The following CORO6 variants were observed in gnomAD, a reference collection of about 807,000 sequenced individuals.
CORO6 encodes the protein coronin 6.
In CORO6, 43 loss-of-function variants were observed where a neutral mutation model predicts 49.0. The ratio of observed to expected loss-of-function variants is 0.88; its 90% CI spans 0.69 to 1.13. The LOEUF is 1.13. Ranked by LOEUF, CORO6 falls within the 50% of genes most tolerant of loss-of-function variation. The probability of loss-of-function intolerance (pLI) is 0.00; values close to 1 mark genes in which losing one functional copy is unlikely to be tolerated. For synonymous variants in CORO6, 233 were observed against 256.5 expected, an observed-to-expected ratio of 0.91 and a Z score of 0.88; for missense variants, 650 against 647.0, an observed-to-expected ratio of 1.00 and a Z score of -0.05.
intron 5 of CORO6, chr17:29,617,931 C>A: frequency 1.1e-6 from 1 of 921,190 alleles, no homozygotes; most frequent in Non-Finnish European, 1.5e-6. Context: ...AGGCTTTTCC[C>A]GAATGGGAGC....
chr17:29,619,903 AC>A (rs1567810267), intron 2 of CORO6, 130 bp from the exon 3 acceptor site: 3 of 755,158 alleles, frequency 4.0e-6, no homozygotes, highest in African/African-American at 3.5e-5. Context: ...TGCACTTCTA[AC>A]CCCATCCAGT....
Position 29,615,680 on chromosome 17 carries a change from G to A in CORO6, c.*52C>T. On this transcript the variant is annotated 3_prime_UTR_variant, in exon 11 of 11. Transcript: ENST00000388767. ...CCGGAGTTCGGGACTAAAAGCCGGGGCGGGGCCGAGCTTGTGCGCCCCGCC... is the reference window on the plus strand; with the variant it reads ...CCGGAGTTCGGGACTAAAAGCCGGGACGGGGCCGAGCTTGTGCGCCCCGCC... 1 of 1,441,988 alleles carries A rather than the reference G, an allele frequency of 6.9e-7. No individual in the cohort carries two copies. The highest frequency in any genetic ancestry group is 1.5e-5 in the South Asian group (1 of 68,926). 89.3% of individuals were successfully genotyped at this position (1,441,988 alleles called of 1,614,324 possible). A position where few individuals can be genotyped will look rare whatever the true frequency, so the allele number is the denominator to read the frequency against.
chr17:29,616,275 T>G lies in CORO6; in HGVS notation c.1062+4A>C, dbSNP rs1369296506. On this transcript the variant is annotated splice_donor_region_variant and intron_variant, in intron 9 of 10. Coordinates refer to ENST00000388767, the MANE Select transcript of CORO6 (RefSeq NM_032854.4). This position sits in a 1 kb window ranked among gnomAD's most constrained non-coding sequence, Gnocchi z 5.6. ...CCTGCCCAACCCTTCTCCCGGCCCC[T>G]CACCTTGCGGGGCACAGTCATGATG... The G allele has an allele frequency of 3.1e-6, 5 of 1,611,390 alleles. No individual in the cohort carries two copies. Among genetic ancestry groups the G allele is most frequent in the Non-Finnish European group, 4.2e-6 (5 of 1,178,756 alleles).
Position 29,621,409 on chromosome 17 carries a change from C to G in CORO6, c.13G>C (p.Val5Leu). The G allele has an allele frequency of 1.2e-6, 2 of 1,610,208 alleles. No individual in the cohort carries two copies. The highest frequency in any genetic ancestry group is 1.7e-6 in the Non-Finnish European group (2 of 1,178,118). ...TGGCGGAACTTGCTTTGCCGAACCA[C>G]ACGTCTGCTCATAGCTGCAGGCAGA... is the stretch of plus-strand genomic sequence containing the variant. Reference protein sequence around the residue: MSRRVVRQSKFRHVF... With the variant: MSRRLVRQSKFRHVF... Residue 5 changes from valine to leucine, a missense_variant, in exon 2 of 11, where the codon GTG becomes CTG. Physicochemically the swap from Val to Leu is conservative, Grantham distance 32 (BLOSUM62 1). Transcript: ENST00000388767. This position sits in a 1 kb window ranked among gnomAD's most constrained non-coding sequence, Gnocchi z 4.2.
chr17:29,618,371 G>C, intron 5 of CORO6: 2 of 1,285,144 alleles, frequency 1.6e-6, no homozygotes. Context: ...CCGCCCAGCG[G>C]GTCCACAAGG....
chr17:29,618,593 G>A (rs1367973498), intron 5 of CORO6, 197 bp downstream of exon 5: 39 of 1,411,686 alleles, frequency 2.8e-5, no homozygotes, highest in Non-Finnish European at 3.5e-5. Flanking sequence ...CAGGAGCCGG[G>A]CAGAGAATTG....
Position 29,621,234 on chromosome 17 carries a change from G to C in CORO6, c.188C>G (p.Pro63Arg), listed in dbSNP as rs1181797293. ...TCCCTGATCCCTCACCTTGGCCAGA[G>C]GCAGGACGATGAAGGCACCCCCGCC... Reference protein sequence around the residue: ...AGGGGAFIVLPLAKTGRVDKN... With the variant: ...AGGGGAFIVLRLAKTGRVDKN... Residue 63 changes from proline to arginine, a missense_variant, in exon 2 of 11, where the codon CCT becomes CGT. By Grantham distance (103) the Pro-to-Arg change is moderately radical (BLOSUM62 -2). Transcript: ENST00000388767. This position sits in a 1 kb window ranked among gnomAD's most constrained non-coding sequence, Gnocchi z 4.2. 6 of 1,614,096 alleles carry C rather than the reference G, an allele frequency of 3.7e-6. No homozygotes were observed. The highest frequency in any genetic ancestry group is 5.1e-6 in the Non-Finnish European group (6 of 1,180,026).
intron 2 of CORO6, among the ~76,000 whole-genome samples, chr17:29,620,719 T>C (rs1003720409): frequency 6.6e-6 from 1 of 152,160 alleles, no homozygotes; most frequent in Non-Finnish European, 1.5e-5. Context: ...TCCCCCTTCC[T>C]TTCCGTTCCC....
In CORO6 at chr17:29,616,273, C is replaced by T; in HGVS notation, c.1062+6G>A. On this transcript the variant is annotated splice_donor_region_variant and intron_variant, in intron 9 of 10. Transcript: ENST00000388767. This position sits in a 1 kb window ranked among gnomAD's most constrained non-coding sequence, Gnocchi z 5.6. Reference sequence around the variant, plus strand: ...GCCCTGCCCAACCCTTCTCCCGGCCCCTCACCTTGCGGGGCACAGTCATGA... The same window carrying T: ...GCCCTGCCCAACCCTTCTCCCGGCCTCTCACCTTGCGGGGCACAGTCATGA... The T allele has an allele frequency of 6.2e-7, 1 of 1,611,510 alleles. No individual in the cohort carries two copies. Among genetic ancestry groups the T allele is most frequent in the Middle Eastern group, 1.7e-4 (1 of 6,060 alleles).
intron 5 of CORO6, 60 bp from the exon 6 acceptor site, chr17:29,617,679 A>G: frequency 6.7e-7 from 1 of 1,482,476 alleles, no homozygotes; most frequent in Non-Finnish European, 9.0e-7. Context: ...AGGAGCATGG[A>G]GGGATGAGCA....
In CORO6 at chr17:29,621,219, C is replaced by A; in HGVS notation, c.198+5G>T. 1 of 1,614,032 alleles carries A rather than the reference C, an allele frequency of 6.2e-7. No homozygotes were observed. Among genetic ancestry groups the A allele is most frequent in the Non-Finnish European group, 8.5e-7 (1 of 1,180,004 alleles). On this transcript the variant is annotated splice_donor_5th_base_variant and intron_variant, in intron 2 of 10. Coordinates refer to ENST00000388767, the MANE Select transcript of CORO6 (RefSeq NM_032854.4). The surrounding 1 kb of genome is among the most constrained non-coding windows in gnomAD (Gnocchi z 4.2). ...CCCACTTGCTTCCTTTCCCTGATCC[C>A]TCACCTTGGCCAGAGGCAGGACGAT...
In CORO6 at chr17:29,619,751, T is replaced by C. The variant is rs1351368147; in HGVS notation, c.221A>G (p.Tyr74Cys). The change falls in exon 3 of 11, where the codon TAC becomes TGC. Residue 74 changes from tyrosine (Y) to cysteine (C), a missense_variant. Transcript: ENST00000388767. ...LAKTGRVDKNYPLVTGHTAPV... is the reference protein window; with the variant it reads ...LAKTGRVDKNCPLVTGHTAPV... ...GGCAGTGTGCCCAGTGACCAGTGGG[T>C]AGTTCTTATCCACTCGCCCTGTCTG... 6.2e-7 allele frequency: 1 copy of C among 1,613,228 alleles called. No individual in the cohort carries two copies. The highest frequency in any genetic ancestry group is 8.5e-7 in the Non-Finnish European group (1 of 1,179,324).
Position 29,616,016 on chromosome 17 carries a change from G to T in CORO6, c.1222C>A (p.Arg408Ser). ...GGCGGGCGCACGTCCAGGATGTTGC[G>T]CTTCGTGACCCGGAGCTCGCGGTGC... is the stretch of plus-strand genomic sequence containing the variant. ...PKHRELRVTK[R>S]NILDVRPPSG... Residue 408 changes from arginine to serine, a missense_variant, in exon 10 of 11, where the codon CGC becomes AGC. Transcript: ENST00000388767. The surrounding 1 kb of genome is among the most constrained non-coding windows in gnomAD (Gnocchi z 5.6). The T allele has an allele frequency of 6.2e-7, 1 of 1,604,792 alleles. No individual in the cohort carries two copies. The highest frequency in any genetic ancestry group is 8.5e-7 in the Non-Finnish European group (1 of 1,175,792).
Position 29,622,686 on chromosome 17 carries a change from A to G in CORO6, c.-64+2T>C, listed in dbSNP as rs1239781232. On this transcript the variant is annotated splice_donor_variant, in intron 1 of 10. Transcript: ENST00000388767. LOFTEE classifies it low-confidence loss of function (5UTR_SPLICE). Reference sequence around the variant, plus strand: ...GACGGCCGGGTGTGGGGGGCTGGGTACCTGGTCCTGAGCGGGCTGCGGGGC... The same window carrying G: ...GACGGCCGGGTGTGGGGGGCTGGGTGCCTGGTCCTGAGCGGGCTGCGGGGC... 8.1e-7 allele frequency: 1 copy of G among 1,238,194 alleles called. No homozygotes were observed. Among genetic ancestry groups the G allele is most frequent in the African/African-American group, 1.6e-5 (1 of 62,940 alleles). 76.7% of individuals were successfully genotyped at this position (1,238,194 alleles called of 1,614,324 possible). A position where few individuals can be genotyped will look rare whatever the true frequency, so the allele number is the denominator to read the frequency against.
chr17:29,615,722 G>A lies in CORO6; in HGVS notation c.*10C>T. 1 of 1,493,626 alleles carries A rather than the reference G, an allele frequency of 6.7e-7. No individual in the cohort carries two copies. Among genetic ancestry groups the A allele is most frequent in the Non-Finnish European group, 8.9e-7 (1 of 1,124,754 alleles). The allele number at this position is 1,493,626 out of a possible 1,614,324, so 92.5% of individuals were successfully genotyped here. A position where few individuals can be genotyped will look rare whatever the true frequency, so the allele number is the denominator to read the frequency against. On this transcript the variant is annotated 3_prime_UTR_variant, in exon 11 of 11. Transcript: ENST00000388767. ...CGCCCCGCCCCGCTCCGCCTGCCTG[G>A]CGCGCGGGGCTAGTCCGTGCCGTCC...
rs951091993 is a variant in CORO6 at position 29,615,456 on chromosome 17, G to A, written c.*276C>T. 27 of 431,630 alleles carry A rather than the reference G, an allele frequency of 6.3e-5. No individual in the cohort carries two copies. Among genetic ancestry groups the A allele is most frequent in the Non-Finnish European group, 1.0e-4 (25 of 242,880 alleles). 26.7% of individuals were successfully genotyped at this position (431,630 alleles called of 1,614,324 possible). The stretch of plus-strand genomic sequence containing the variant: ...GGACAAAGGGGGACACCACCTCGCC[G>A]TGCAGCACCATTGCTGAGCCCCCCA... On this transcript the variant is annotated 3_prime_UTR_variant, in exon 11 of 11. Coordinates refer to ENST00000388767, the MANE Select transcript of CORO6 (RefSeq NM_032854.4).
Position 29,621,490 on chromosome 17 carries a change from G to A in CORO6, c.-63-6C>T, listed in dbSNP as rs1269757759. 1 of 1,542,638 alleles carries A rather than the reference G, an allele frequency of 6.5e-7. No individual in the cohort carries two copies. The highest frequency in any genetic ancestry group is 8.8e-7 in the Non-Finnish European group (1 of 1,140,134). On this transcript the variant is annotated splice_polypyrimidine_tract_variant and splice_region_variant and intron_variant, in intron 1 of 10. Transcript: ENST00000388767. The surrounding 1 kb of genome is among the most constrained non-coding windows in gnomAD (Gnocchi z 4.2). ...TTGGTCCTTAGTCCTGTGAGCTGCG[G>A]GAGGGAGGAGGAGTGGAGGGGTGGC... is the stretch of plus-strand genomic sequence containing the variant.
rs2034894841 is a variant in CORO6 at position 29,616,215 on chromosome 17, T to TGCGG, written c.1063-44_1063-41dup. ...GGACAGGAGGACTTGCGTGAGAGGG[T>TGCGG]GCGGGGCTTGCTCCGCTCCCTTCCG... On this transcript the variant is annotated intron_variant, in intron 9 of 10. Coordinates refer to ENST00000388767, the MANE Select transcript of CORO6 (RefSeq NM_032854.4). This position sits in a 1 kb window ranked among gnomAD's most constrained non-coding sequence, Gnocchi z 5.6. 3 of 1,608,346 alleles carry TGCGG rather than the reference T, an allele frequency of 1.9e-6. No homozygotes were observed. The African/African-American group carries it at 4.0e-5, about 21-fold the overall frequency.
chr17:29,618,671 G>C (rs2035138767), intron 5 of CORO6, 119 bp downstream of exon 5: 1 of 1,445,364 alleles, frequency 6.9e-7, no homozygotes, highest in Admixed American at 2.4e-5. Context: ...CTAGTCTCTG[G>C]AGCAGGGATG....
Sources: gnomAD v4.1 joint callset for allele counts (sites outside exome capture counted in the v4.1 genomes callset) on GRCh38, gnomAD v4.1.1 for gene constraint, Gnocchi (gnomAD v3.1) non-coding constraint, MANE v1.5 for transcripts, NCBI Gene and HGNC (gene_info 2026-07-23, HGNC 2026-07-21) for gene names.